LRRTM4: variants seen among roughly 807,000 people sequenced by gnomAD.
LRRTM4 encodes leucine rich repeat transmembrane neuronal 4, also known as leucine-rich repeat transmembrane neuronal protein 4.
LRRTM4 carries 25 observed loss-of-function variants against 47.6 expected under a neutral mutation model. The observed-to-expected ratio is 0.53, with a 90% CI of 0.38 to 0.73. The LOEUF (loss-of-function observed/expected upper bound fraction) is 0.73. Ranked by LOEUF, LRRTM4 falls within the 30% of genes least tolerant of loss-of-function variation. LRRTM4 has a pLI of 0.00. For synonymous variants in LRRTM4, 311 were observed against 269.5 expected (o/e 1.15, Z -1.51); for missense variants, 638 against 713.4 (o/e 0.89, Z 1.20).
intron 3 of LRRTM4, among the ~76,000 whole-genome samples, chr2:77,143,474 T>C (rs1243056128): frequency 6.6e-6 from 1 of 152,202 alleles, no homozygotes; most frequent in East Asian, 1.9e-4. Context: ...TTCTTGGTAG[T>C]GGTAAAAGAT....
At chr2:76,900,032 C>T (rs1447002199) in intron 3 of LRRTM4, among the ~76,000 whole-genome samples, 1 of 152,062 alleles carries the variant, frequency 6.6e-6, no homozygotes, top group African/African-American at 2.4e-5. Flanking sequence ...AGTTTGAGAC[C>T]AGCCTGACCA....
At chr2:77,043,794 C>G (rs1006794435) in intron 3 of LRRTM4, among the ~76,000 whole-genome samples, 1 of 151,648 alleles carries the variant, frequency 6.6e-6, no homozygotes, top group African/African-American at 2.4e-5. Context: ...AGGATTTCTA[C>G]TGGAATAATA....
chr2:77,075,914 C>CAAAAAAAAAAAA lies in LRRTM4; in HGVS notation c.1552-327010_1552-326999dup, dbSNP rs61718845. ...TGGGCGACAGAGCGAGACTCCGTCT[C>CAAAAAAAAAAAA]AAAAAAAAAAAAAAAAAAAAAAAAA... is the stretch of plus-strand genomic sequence containing the variant. On this transcript the variant is annotated intron_variant, in intron 3 of 3. Coordinates refer to ENST00000409884, the MANE Select transcript of LRRTM4 (RefSeq NM_001134745.3). Among the ~76,000 whole-genome samples the CAAAAAAAAAAAA allele has an allele frequency of 3.2e-3, 117 of 36,850 alleles. 8 individuals are homozygous for CAAAAAAAAAAAA. The highest frequency in any genetic ancestry group is 9.5e-3 in the African/African-American group (110 of 11,540). 24.2% of individuals were successfully genotyped at this position (36,850 alleles called of 152,430 possible).
chr2:76,764,169 G>T (rs1372006785), intron 3 of LRRTM4, among the ~76,000 whole-genome samples: 1 of 152,140 alleles, frequency 6.6e-6, no homozygotes, highest in African/African-American at 2.4e-5. Flanking sequence ...ACAATGAGAT[G>T]CAAGACATGA....
At chr2:77,336,086 TGGAA>T (rs141318745) in intron 3 of LRRTM4, among the ~76,000 whole-genome samples, 34 of 149,772 alleles carry the variant, frequency 2.3e-4, no homozygotes, top group Admixed American at 3.3e-4. Flanking sequence ...GAAATTATTT[TGGAA>T]GGAAGGAAGG....
At chr2:77,101,130 A>T (rs904561922) in intron 3 of LRRTM4, among the ~76,000 whole-genome samples, 1 of 152,052 alleles carries the variant, frequency 6.6e-6, no homozygotes, top group African/African-American at 2.4e-5. Context: ...TTTTTAGTTA[A>T]TCTTACCATC....
intron 3 of LRRTM4, among the ~76,000 whole-genome samples, chr2:77,233,430 A>G (rs1271743741): frequency 6.6e-6 from 1 of 152,198 alleles, no homozygotes; most frequent in Non-Finnish European, 1.5e-5. Flanking sequence ...AACATTTCTC[A>G]GTTAATTTTT....
At chr2:76,974,837 A>G (rs1191537135) in intron 3 of LRRTM4, among the ~76,000 whole-genome samples, 3 of 151,550 alleles carry the variant, frequency 2.0e-5, no homozygotes, top group African/African-American at 7.3e-5. Flanking sequence ...AAACCATTTT[A>G]CTCTTTTTTT....
chr2:77,216,471 C>A (rs1280265616), intron 3 of LRRTM4, among the ~76,000 whole-genome samples: 3 of 151,636 alleles, frequency 2.0e-5, no homozygotes, highest in Non-Finnish European at 4.4e-5. Flanking sequence ...TCAAGACCAT[C>A]CTGGCCAATA....
rs572277821 is a variant in LRRTM4 at position 77,089,781 on chromosome 2, T to C, written c.1552-340865A>G. Among the ~76,000 whole-genome samples, 25 of 152,238 alleles carry C rather than the reference T, an allele frequency of 1.6e-4. No individual in the cohort carries two copies. In the South Asian group the frequency reaches 1.9e-3, roughly 11 times the overall value. On this transcript the variant is annotated intron_variant, in intron 3 of 3. Transcript: ENST00000409884. ...CTTGACCCCAATACAAACTCGACAG[T>C]AGTTCCAAATAGCCAGAAAATGGCA... is the stretch of plus-strand genomic sequence containing the variant.
intron 3 of LRRTM4, among the ~76,000 whole-genome samples, chr2:76,980,490 T>A (rs57642722): frequency 6.6e-6 from 1 of 152,058 alleles, no homozygotes; most frequent in Admixed American, 6.6e-5. Context: ...CCTACTACCT[T>A]ATGTGTCACT....
chr2:76,916,882 G>C (rs995810102), intron 3 of LRRTM4, among the ~76,000 whole-genome samples: 2 of 152,174 alleles, frequency 1.3e-5, no homozygotes. Context: ...GCTAATTCCA[G>C]CTAAGATATT....
rs1234753848 is a variant in LRRTM4, at chr2:76,786,166, C to T, written c.1552-37250G>A. The stretch of plus-strand genomic sequence containing the variant: ...TAGGAAAAGAAGTACAAATTCTTTT[C>T]CATTCATAGAGCAATTTATAAAGAA... On this transcript the variant is annotated intron_variant, in intron 3 of 3. Transcript: ENST00000409884. 6.6e-5 allele frequency among the ~76,000 whole-genome samples: 10 copies of T among 152,132 alleles called. No individual in the cohort carries two copies. The East Asian group carries it at 1.4e-3, about 21-fold the overall frequency.
At chr2:77,308,078 TATAG>T (rs1307099901) in intron 3 of LRRTM4, among the ~76,000 whole-genome samples, 1 of 141,104 alleles carries the variant, frequency 7.1e-6, no homozygotes, top group Non-Finnish European at 1.5e-5. Context: ...ATATAACATA[TATAG>T]ATATATAGAT....
chr2:77,041,665 T>C (rs72825320), intron 3 of LRRTM4, among the ~76,000 whole-genome samples: 18,282 of 151,382 alleles, frequency 0.12, 1,383 homozygotes, highest in Admixed American at 0.19. Flanking sequence ...TGTTGATTAC[T>C]TTTTCATACA....
intron 3 of LRRTM4, among the ~76,000 whole-genome samples, chr2:77,287,742 G>A (rs11904768): frequency 0.36 from 54,762 of 152,004 alleles, 14,222 homozygotes; most frequent in African/African-American, 0.72. Flanking sequence ...ATTACAGTAT[G>A]TTGTTATAAT....
At chr2:76,755,970 G>C (rs1422794033) in intron 3 of LRRTM4, among the ~76,000 whole-genome samples, 1 of 152,076 alleles carries the variant, frequency 6.6e-6, no homozygotes, top group African/African-American at 2.4e-5. Context: ...AAACACAATT[G>C]ACCAGCATTA....
intron 3 of LRRTM4, among the ~76,000 whole-genome samples, chr2:77,097,581 T>C (rs1328897922): frequency 6.6e-6 from 1 of 151,976 alleles, no homozygotes; most frequent in African/African-American, 2.4e-5. Flanking sequence ...GTTAAAAATA[T>C]GTTTCTAAAG....
rs562682852 is a variant in LRRTM4, at chr2:76,873,192, T to G, written c.1552-124276A>C. ...TTGTAGACAGTGCTGATGTTGACAA[T>G]AGAAATAATTCATGTCCCTTCTATG... is the stretch of plus-strand genomic sequence containing the variant. On this transcript the variant is annotated intron_variant, in intron 3 of 3. Transcript: ENST00000409884. Among the ~76,000 whole-genome samples, 23 of 152,044 alleles carry G rather than the reference T, an allele frequency of 1.5e-4. 1 individual carries two copies. The East Asian group carries it at 4.5e-3, about 30-fold the overall frequency.
Sources: gnomAD v4.1 joint callset for allele counts (sites outside exome capture counted in the v4.1 genomes callset) on GRCh38, gnomAD v4.1.1 for gene constraint, MANE v1.5 for transcripts, NCBI Gene and HGNC (gene_info 2026-07-23, HGNC 2026-07-21) for gene names.